The following STK33 variants were observed in gnomAD, a reference collection of about 807,000 sequenced individuals.
STK33 encodes the protein serine/threonine-protein kinase 33.
STK33 carries 52 observed loss-of-function variants against 58.0 expected under a neutral mutation model. The ratio of observed to expected loss-of-function variants is 0.90; its 90% CI spans 0.72 to 1.13. The LOEUF is 1.13. Ranked by LOEUF, STK33 falls within the 50% of genes most tolerant of loss-of-function variation. STK33 has a pLI of 0.00. For synonymous variants in STK33, 215 were observed against 200.1 expected, an observed-to-expected ratio of 1.07 and a Z score of -0.63; for missense variants, 630 against 604.2, an observed-to-expected ratio of 1.04 and a Z score of -0.45.
Position 8,394,976 on chromosome 11 carries a change from A to G in STK33, c.1345-2266T>C, listed in dbSNP as rs1215921079. Among the ~76,000 whole-genome samples the G allele has an allele frequency of 4.6e-5, 7 of 152,314 alleles. No homozygotes were observed. The East Asian group carries it at 1.4e-3, about 29-fold the overall frequency. ...CCCTAGTTAACTGAGCTCTGCCCCC[A>G]AAGACAACCAATATTGTCAATTTAT... On this transcript the variant is annotated intron_variant, in intron 15 of 15. Coordinates refer to ENST00000687296, the MANE Select transcript of STK33 (RefSeq NM_001352389.2).
the STK33 span, among the ~76,000 whole-genome samples, chr11:8,346,724 C>T: frequency 9.2e-5 from 14 of 152,142 alleles, no homozygotes; most frequent in East Asian, 3.9e-4. Context: ...CTTCCCACCC[C>T]GACCCCTACT....
intron 11 of STK33, among the ~76,000 whole-genome samples, chr11:8,450,839 T>C (rs1171594989): frequency 6.6e-6 from 1 of 152,186 alleles, no homozygotes; most frequent in Non-Finnish European, 1.5e-5. Flanking sequence ...ATGTAATTAC[T>C]TCATTAATAA....
In STK33 at chr11:8,557,195, G is replaced by A. The variant is rs1232108185; in HGVS notation, c.-466+36888C>T. Among the ~76,000 whole-genome samples the A allele has an allele frequency of 3.5e-5, 5 of 142,948 alleles. 1 individual carries two copies. Among genetic ancestry groups the A allele is most frequent in the South Asian group, 2.5e-4 (1 of 4,010 alleles). The allele number at this position is 142,948 out of a possible 152,430, so 93.8% of individuals were successfully genotyped here. ...GAGCCTGGGAGGTCAAGGCGGCAGT[G>A]AGCCTTGATTGTGCCACTGCACTCC... is the stretch of plus-strand genomic sequence containing the variant. On this transcript the variant is annotated intron_variant, in intron 1 of 15. Transcript: ENST00000687296.
intron 1 of STK33, among the ~76,000 whole-genome samples, chr11:8,494,924 C>T (rs1459167878): frequency 6.6e-6 from 1 of 152,170 alleles, no homozygotes; most frequent in Non-Finnish European, 1.5e-5. Context: ...CCCTTCCTTA[C>T]ACCTTACACA....
chr11:8,534,596 G>C (rs1954843007), intron 1 of STK33, among the ~76,000 whole-genome samples: 1 of 147,382 alleles, frequency 6.8e-6, no homozygotes, highest in Non-Finnish European at 1.5e-5. Context: ...GTGTGTGTGT[G>C]TGTGTCAAGG....
intron 6 of STK33, chr11:8,467,273 C>T (rs143529846): frequency 0.053 from 8,074 of 152,254 alleles, 288 homozygotes; most frequent in Non-Finnish European, 0.07. Context: ...AATTTTTATG[C>T]TCTGCTTCCC....
At chr11:8,438,873 G>A (rs1316258145) in intron 12 of STK33, among the ~76,000 whole-genome samples, 1 of 152,138 alleles carries the variant, frequency 6.6e-6, no homozygotes, top group Non-Finnish European at 1.5e-5. Context: ...AGCACAAAAC[G>A]ATGATCAAAA....
At chr11:8,373,603 A>G in the STK33 span, among the ~76,000 whole-genome samples, 1 of 152,148 alleles carries the variant, frequency 6.6e-6, no homozygotes, top group Non-Finnish European at 1.5e-5. Flanking sequence ...GGGTGGTCTC[A>G]GGCCCAGATG....
chr11:8,564,833 G>C (rs1957345986), intron 1 of STK33, among the ~76,000 whole-genome samples: 1 of 152,170 alleles, frequency 6.6e-6, no homozygotes, highest in Non-Finnish European at 1.5e-5. Flanking sequence ...AACAACCGGT[G>C]CCTTTAGGAG....
chr11:8,523,516 G>C (rs1272967072), intron 1 of STK33, among the ~76,000 whole-genome samples: 1 of 147,866 alleles, frequency 6.8e-6, no homozygotes, highest in African/African-American at 2.5e-5. Flanking sequence ...CCCCTCCGCT[G>C]GGCAGCCGCC....
the STK33 span, among the ~76,000 whole-genome samples, chr11:8,363,367 A>G: frequency 4.6e-5 from 7 of 152,212 alleles, no homozygotes; most frequent in Non-Finnish European, 1.0e-4. Context: ...GATTTTTAAA[A>G]TAAATTTACA....
At chr11:8,496,854 A>G (rs997607374) in intron 1 of STK33, among the ~76,000 whole-genome samples, 1 of 152,072 alleles carries the variant, frequency 6.6e-6, no homozygotes, top group African/African-American at 2.4e-5. Context: ...GATTACAGGC[A>G]TGAGCCACTG....
chr11:8,376,886 C>T, the STK33 span, among the ~76,000 whole-genome samples: 1 of 152,166 alleles, frequency 6.6e-6, no homozygotes, highest in South Asian at 2.1e-4. Context: ...AGCTGCCATA[C>T]TTTGGCTCCA....
chr11:8,542,729 C>CT (rs145234415), intron 1 of STK33, among the ~76,000 whole-genome samples: 7 of 151,398 alleles, frequency 4.6e-5, no homozygotes, highest in South Asian at 4.2e-4. Context: ...TTAGTTTGCA[C>CT]TTTTTTTTTA....
At chr11:8,520,311 T>G (rs1210617419) in intron 1 of STK33, among the ~76,000 whole-genome samples, 2 of 152,174 alleles carry the variant, frequency 1.3e-5, no homozygotes, top group Non-Finnish European at 2.9e-5. Flanking sequence ...TGCTAAAAAC[T>G]CTCAATAAAC....
the STK33 span, among the ~76,000 whole-genome samples, chr11:8,366,140 GAGA>G: frequency 3.3e-5 from 5 of 152,258 alleles, no homozygotes; most frequent in African/African-American, 4.8e-5. Context: ...GGGCTGGATA[GAGA>G]AGAAGTTGCT....
chr11:8,446,745 TG>T (rs768689495), intron 11 of STK33, among the ~76,000 whole-genome samples: 1 of 152,164 alleles, frequency 6.6e-6, no homozygotes, highest in African/African-American at 2.4e-5. Flanking sequence ...TAAACGATGT[TG>T]GGAAAACTGG....
In STK33 at chr11:8,472,099, T is replaced by A. The variant is rs7121234; in HGVS notation, c.339+1064A>T. 8.8e-3 allele frequency among the ~76,000 whole-genome samples: 1,342 copies of A among 152,248 alleles called. 21 individuals are homozygous for A. Among genetic ancestry groups the A allele is most frequent in the African/African-American group, 0.03 (1,226 of 41,546 alleles). ...ATGCCTCTATATCCTGCTAATTTTTTAAAAATTTTTTTAGAGAAGGAGTTT... is the reference window on the plus strand; with the variant it reads ...ATGCCTCTATATCCTGCTAATTTTTAAAAAATTTTTTTAGAGAAGGAGTTT... On this transcript the variant is annotated intron_variant, in intron 6 of 15. Transcript: ENST00000687296.
At chr11:8,451,692 CTG>C (rs967185349) in intron 11 of STK33, among the ~76,000 whole-genome samples, 1 of 152,070 alleles carries the variant, frequency 6.6e-6, no homozygotes, top group Non-Finnish European at 1.5e-5. Context: ...TTGCACAACT[CTG>C]TGGATGTATG....
Sources: gnomAD v4.1 joint callset for allele counts (sites outside exome capture counted in the v4.1 genomes callset) on GRCh38, gnomAD v4.1.1 for gene constraint, MANE v1.5 for transcripts, NCBI Gene and HGNC (gene_info 2026-07-23, HGNC 2026-07-21) for gene names.